Variants in NLGN1 observed in about 807,000 individuals in gnomAD.
NLGN1 encodes neuroligin-1.
A neutral mutation model predicts 65.5 loss-of-function variants in NLGN1; 12 were observed. The observed-to-expected ratio is 0.18, with a 90% CI of 0.12 to 0.30. The LOEUF is 0.30. Among genes scored for constraint, NLGN1 ranks in the 10% least tolerant of loss-of-function variants. The pLI is 1.00. For missense variants in NLGN1, 750 were observed against 1,007.1 expected (o/e 0.74, Z 3.46); for synonymous variants, 350 against 359.5 (o/e 0.97, Z 0.30).
At chr3:173,935,625 C>G (rs1403973212) in intron 4 of NLGN1, among the ~76,000 whole-genome samples, 1 of 65,778 alleles carries the variant, frequency 1.5e-5, no homozygotes, top group Non-Finnish European at 4.4e-5. Flanking sequence ...CACACACACT[C>G]TCTCTCTCTC....
At chr3:173,774,259 T>C (rs960454329) in intron 3 of NLGN1, among the ~76,000 whole-genome samples, 15 of 152,320 alleles carry the variant, frequency 9.8e-5, no homozygotes, top group Admixed American at 9.8e-4. Flanking sequence ...TGTCAGTGGC[T>C]CATACAGGTT....
chr3:174,096,449 A>AAAT (rs1305253275), intron 4 of NLGN1, among the ~76,000 whole-genome samples: 2 of 151,968 alleles, frequency 1.3e-5, no homozygotes, highest in African/African-American at 4.8e-5. Context: ...ATAATCATGG[A>AAAT]AATATCATTT....
intron 4 of NLGN1, among the ~76,000 whole-genome samples, chr3:174,089,363 C>T (rs1162172840): frequency 1.3e-5 from 2 of 152,162 alleles, no homozygotes; most frequent in Non-Finnish European, 2.9e-5. Flanking sequence ...TTTATTACTG[C>T]TTTCCTTCCT....
chr3:173,937,349 A>AG (rs1745245335), intron 4 of NLGN1, among the ~76,000 whole-genome samples: 1 of 152,114 alleles, frequency 6.6e-6, no homozygotes, highest in Non-Finnish European at 1.5e-5. Flanking sequence ...GTTGAGATAT[A>AG]TACAAATAGA....
chr3:174,120,584 G>T (rs1319041561), intron 4 of NLGN1, among the ~76,000 whole-genome samples: 1 of 152,006 alleles, frequency 6.6e-6, no homozygotes, highest in African/African-American at 2.4e-5. Flanking sequence ...TTATTAATTT[G>T]ACTCATAAAA....
intron 2 of NLGN1, among the ~76,000 whole-genome samples, chr3:173,457,420 G>A (rs555580689): frequency 3.7e-4 from 56 of 152,128 alleles, no homozygotes; most frequent in African/African-American, 1.3e-3. Context: ...AGTGTGACTT[G>A]AGTAAAATAA....
chr3:173,890,005 G>A (rs1400400773), intron 4 of NLGN1, among the ~76,000 whole-genome samples: 1 of 152,040 alleles, frequency 6.6e-6, no homozygotes, highest in Non-Finnish European at 1.5e-5. Flanking sequence ...GTGTGTGTGT[G>A]TGTGTGTTTA....
intron 2 of NLGN1, among the ~76,000 whole-genome samples, chr3:173,445,902 A>G (rs889579067): frequency 6.6e-6 from 1 of 152,282 alleles, no homozygotes; most frequent in African/African-American, 2.4e-5. Context: ...GATTTGTGCA[A>G]TGAGGTTTTC....
intron 4 of NLGN1, among the ~76,000 whole-genome samples, chr3:173,905,409 A>C (rs1056027853): frequency 4.0e-5 from 6 of 151,736 alleles, no homozygotes; most frequent in African/African-American, 1.5e-4. Context: ...GAAAGATTTC[A>C]AGGCTTCATG....
At chr3:173,812,865 T>G (rs1334899222) in intron 4 of NLGN1, among the ~76,000 whole-genome samples, 1 of 149,194 alleles carries the variant, frequency 6.7e-6, no homozygotes, top group African/African-American at 2.4e-5. Flanking sequence ...TTCAGCATTA[T>G]ACACCTTTTC....
chr3:173,548,854 T>A (rs968180762), intron 2 of NLGN1, among the ~76,000 whole-genome samples: 13 of 152,004 alleles, frequency 8.6e-5, no homozygotes, highest in African/African-American at 2.9e-4. Flanking sequence ...CTATGTGTAA[T>A]GTCCTCTGAC....
At chr3:174,051,632 G>A (rs188228434) in intron 4 of NLGN1, among the ~76,000 whole-genome samples, 3 of 152,064 alleles carry the variant, frequency 2.0e-5, no homozygotes, top group Non-Finnish European at 4.4e-5. Context: ...ATGAGGGCAT[G>A]TCACAAAAAC....
chr3:174,268,875 TGATA>T (rs1368218867), intron 4 of NLGN1, among the ~76,000 whole-genome samples: 2 of 151,902 alleles, frequency 1.3e-5, no homozygotes, highest in African/African-American at 4.8e-5. Context: ...TAGAACAAAT[TGATA>T]AATAGATTCA....
chr3:173,979,713 G>A (rs1005576808), intron 4 of NLGN1, among the ~76,000 whole-genome samples: 10 of 152,038 alleles, frequency 6.6e-5, no homozygotes, highest in African/African-American at 2.4e-4. Flanking sequence ...TTACTGGATG[G>A]ATACATTATT....
At chr3:173,670,939 T>G (rs1345931763) in intron 3 of NLGN1, among the ~76,000 whole-genome samples, 2 of 152,160 alleles carry the variant, frequency 1.3e-5, no homozygotes, top group Admixed American at 1.3e-4. Context: ...CTCAAATAAA[T>G]TACCTAAAAA....
At chr3:173,933,205 A>G (rs914666574) in intron 4 of NLGN1, among the ~76,000 whole-genome samples, 1 of 152,192 alleles carries the variant, frequency 6.6e-6, no homozygotes, top group Non-Finnish European at 1.5e-5. Flanking sequence ...CAAACTATTC[A>G]GAAGGGCACC....
intron 2 of NLGN1, among the ~76,000 whole-genome samples, chr3:173,550,122 A>G (rs1740589533): frequency 6.6e-6 from 1 of 152,058 alleles, no homozygotes. Context: ...CATGCTGCCT[A>G]CATGCCATAC....
intron 2 of NLGN1, among the ~76,000 whole-genome samples, chr3:173,464,100 G>A (rs955295376): frequency 6.6e-6 from 1 of 151,768 alleles, no homozygotes; most frequent in African/African-American, 2.4e-5. Flanking sequence ...AGGTATATAG[G>A]GCATTTTGTT....
At chr3:173,535,404 T>A (rs1419004508) in intron 2 of NLGN1, among the ~76,000 whole-genome samples, 1 of 152,250 alleles carries the variant, frequency 6.6e-6, no homozygotes. Flanking sequence ...AGTTTTGCTT[T>A]GTGATGCAGC....
Sources: gnomAD v4.1 joint callset for allele counts (sites outside exome capture counted in the v4.1 genomes callset) on GRCh38, gnomAD v4.1.1 for gene constraint, MANE v1.5 for transcripts, NCBI Gene and HGNC (gene_info 2026-07-23, HGNC 2026-07-21) for gene names.